THRB: variants seen among roughly 807,000 people sequenced by gnomAD.
The protein encoded by THRB is nuclear receptor subfamily 1 group A member 2.
In THRB, 12 loss-of-function variants were observed where a neutral mutation model predicts 47.8. That is an observed-to-expected ratio of 0.25 (90% CI 0.16 to 0.41). THRB has a LOEUF of 0.41. Ranked by LOEUF, THRB falls within the 10% of genes least tolerant of loss-of-function variation. THRB has a pLI of 1.00. For missense variants in THRB, 348 were observed against 589.2 expected, an observed-to-expected ratio of 0.59 and a Z score of 4.24; for synonymous variants, 218 against 212.2, an observed-to-expected ratio of 1.03 and a Z score of -0.24.
chr3:24,494,848 T>C lies in THRB; in HGVS notation c.-457A>G, dbSNP rs1180298644. ...CGTCACGGCCGCCCGCCCGAGGATG[T>C]GCGCCTTCCTTGGCCAAGCCCCGCA... On this transcript the variant is annotated 5_prime_UTR_variant, in exon 1 of 11. Coordinates refer to ENST00000646209, the MANE Select transcript of THRB (RefSeq NM_001354712.2). 3 of 152,284 alleles carry C rather than the reference T, an allele frequency of 2.0e-5. No individual in the cohort carries two copies. In the East Asian group the frequency reaches 5.8e-4, roughly 30 times the overall value. 9.4% of individuals were successfully genotyped at this position (152,284 alleles called of 1,614,324 possible). A position where few individuals can be genotyped will look rare whatever the true frequency, so the allele number is the denominator to read the frequency against.
At position 24,311,289 on chromosome 3, in the gene THRB, A is replaced by C. The variant is rs1273971841; in HGVS notation, c.-188-13918T>G. Among the ~76,000 whole-genome samples, 4 of 152,192 alleles carry C rather than the reference A, an allele frequency of 2.6e-5. No homozygotes were observed. The East Asian group carries it at 7.7e-4, about 29-fold the overall frequency. Reference sequence around the variant, plus strand: ...ATGGAGTTGGAAAGGCTTTGCAGTTAACTAGAAGATGCAATATTTCTTTTA... The same window carrying C: ...ATGGAGTTGGAAAGGCTTTGCAGTTCACTAGAAGATGCAATATTTCTTTTA... On this transcript the variant is annotated intron_variant, in intron 2 of 10. Coordinates refer to ENST00000646209, the MANE Select transcript of THRB (RefSeq NM_001354712.2).
At chr3:24,293,241 A>T (rs74858576) in intron 3 of THRB, among the ~76,000 whole-genome samples, 3,175 of 152,254 alleles carry the variant, frequency 0.021, 113 homozygotes, top group African/African-American at 0.073. Context: ...TCATTAAGCT[A>T]TTGAGCTTTC....
chr3:24,477,789 G>A (rs1014060533), intron 1 of THRB, among the ~76,000 whole-genome samples: 25 of 151,680 alleles, frequency 1.6e-4, no homozygotes, highest in African/African-American at 4.6e-4. Context: ...CTTCTTCTCT[G>A]TGATCTTTAT....
At chr3:24,357,581 T>C (rs1157875217) in intron 1 of THRB, among the ~76,000 whole-genome samples, 1 of 152,050 alleles carries the variant, frequency 6.6e-6, no homozygotes, top group Non-Finnish European at 1.5e-5. Context: ...ATGTATTCTT[T>C]TTTTCATAGA....
At chr3:24,175,118 A>G (rs1022542504) in intron 5 of THRB, among the ~76,000 whole-genome samples, 2 of 152,172 alleles carry the variant, frequency 1.3e-5, no homozygotes, top group Non-Finnish European at 2.9e-5. Context: ...TTACTAAACA[A>G]TCTTTGCTGG....
At chr3:24,242,238 T>A (rs1307871984) in intron 3 of THRB, among the ~76,000 whole-genome samples, 1 of 152,210 alleles carries the variant, frequency 6.6e-6, no homozygotes, top group Admixed American at 6.5e-5. Flanking sequence ...CAAGATGGCA[T>A]GTTTTAGCCA....
chr3:24,223,530 G>A (rs1403245219), intron 4 of THRB, among the ~76,000 whole-genome samples: 1 of 152,236 alleles, frequency 6.6e-6, no homozygotes, highest in African/African-American at 2.4e-5. Flanking sequence ...TTTGTAAATG[G>A]TTTGAAATAA....
intron 3 of THRB, among the ~76,000 whole-genome samples, chr3:24,238,971 T>C (rs1340172100): frequency 6.6e-6 from 1 of 151,476 alleles, no homozygotes; most frequent in African/African-American, 2.4e-5. Flanking sequence ...AGACAGAGTC[T>C]TGCTCTGTCA....
Position 24,428,731 on chromosome 3 carries a change from C to T in THRB, c.-261+65921G>A, listed in dbSNP as rs549282718. The stretch of plus-strand genomic sequence containing the variant: ...GACCCACAGCTTGAGCCAGATGGTG[C>T]AATGTTAGCATTAGACAAAGAGGAA... On this transcript the variant is annotated intron_variant, in intron 1 of 10. Coordinates refer to ENST00000646209, the MANE Select transcript of THRB (RefSeq NM_001354712.2). 5.1e-4 allele frequency among the ~76,000 whole-genome samples: 77 copies of T among 151,980 alleles called. 1 individual carries two copies. The highest frequency in any genetic ancestry group is 8.8e-5 in the Non-Finnish European group (6 of 67,936).
intron 3 of THRB, among the ~76,000 whole-genome samples, chr3:24,292,564 C>G (rs531537089): frequency 3.7e-4 from 56 of 152,276 alleles, no homozygotes; most frequent in Non-Finnish European, 6.5e-4. Flanking sequence ...TCAAGCCCTT[C>G]TCCCTGGCTC....
At chr3:24,491,015 A>G (rs766651250) in intron 1 of THRB, among the ~76,000 whole-genome samples, 2 of 152,200 alleles carry the variant, frequency 1.3e-5, no homozygotes, top group Admixed American at 6.5e-5. Context: ...ATATAATTTG[A>G]TATTTCATAC....
Position 24,204,692 on chromosome 3 carries a change from A to G in THRB, c.23-14358T>C, listed in dbSNP as rs140554746. On this transcript the variant is annotated intron_variant, in intron 4 of 10. Transcript: ENST00000646209. Reference sequence around the variant, plus strand: ...AGTTGAGAGAAGAAGGCTTCAGACAATCAAACTTCTCTGAGCTAAAGGAGG... The same window carrying G: ...AGTTGAGAGAAGAAGGCTTCAGACAGTCAAACTTCTCTGAGCTAAAGGAGG... Among the ~76,000 whole-genome samples the G allele has an allele frequency of 1.4e-4, 22 of 152,342 alleles. No homozygotes were observed. In the East Asian group the frequency reaches 3.7e-3, roughly 25 times the overall value.
At chr3:24,389,403 T>C (rs888205676) in intron 1 of THRB, among the ~76,000 whole-genome samples, 9 of 152,204 alleles carry the variant, frequency 5.9e-5, no homozygotes, top group African/African-American at 2.2e-4. Flanking sequence ...GTAAAAATTA[T>C]AAACTATTGT....
In THRB at chr3:24,343,501, A is replaced by T. The variant is rs570327553; in HGVS notation, c.-260-6130T>A. 2.4e-4 allele frequency among the ~76,000 whole-genome samples: 36 copies of T among 152,346 alleles called. No individual in the cohort carries two copies. The South Asian group carries it at 7.2e-3, about 31-fold the overall frequency. ...GTACTGAAAGGCTTAACTATGGGCA[A>T]CATCCATCTGTTATTCTTTTTCTTC... On this transcript the variant is annotated intron_variant, in intron 1 of 10. Coordinates refer to ENST00000646209, the MANE Select transcript of THRB (RefSeq NM_001354712.2).
intron 2 of THRB, among the ~76,000 whole-genome samples, chr3:24,322,903 T>G (rs566507245): frequency 4.8e-4 from 73 of 152,284 alleles, no homozygotes; most frequent in African/African-American, 1.7e-3. Flanking sequence ...CCACCTTTTG[T>G]AACACAAACA....
intron 3 of THRB, among the ~76,000 whole-genome samples, chr3:24,270,432 CA>C (rs1352885975): frequency 6.6e-6 from 1 of 152,128 alleles, no homozygotes; most frequent in Non-Finnish European, 1.5e-5. Context: ...ATCAAAATAA[CA>C]AGAATGAAAA....
intron 3 of THRB, among the ~76,000 whole-genome samples, chr3:24,295,809 C>G (rs2056398740): frequency 6.6e-6 from 1 of 152,134 alleles, no homozygotes; most frequent in Non-Finnish European, 1.5e-5. Flanking sequence ...GTCAGGTTCC[C>G]TATCTGTAAA....
At chr3:24,449,802 GA>G (rs921653030) in intron 1 of THRB, among the ~76,000 whole-genome samples, 5 of 151,890 alleles carry the variant, frequency 3.3e-5, no homozygotes, top group African/African-American at 1.2e-4. Flanking sequence ...GTAATAATGG[GA>G]AAAAAAGAAG....
chr3:24,336,002 C>T lies in THRB; in HGVS notation c.-189+1298G>A, dbSNP rs573914797. 5.7e-4 allele frequency among the ~76,000 whole-genome samples: 87 copies of T among 152,254 alleles called. 1 individual carries two copies. The highest frequency in any genetic ancestry group is 5.7e-4 in the Non-Finnish European group (39 of 68,032). ...AACAGAACAGCTGTCCTTTTCCATGCTTTACAAATTGGGGGCCACTGGAAG... is the reference window on the plus strand; with the variant it reads ...AACAGAACAGCTGTCCTTTTCCATGTTTTACAAATTGGGGGCCACTGGAAG... On this transcript the variant is annotated intron_variant, in intron 2 of 10. Transcript: ENST00000646209.
Sources: gnomAD v4.1 joint callset for allele counts (sites outside exome capture counted in the v4.1 genomes callset) on GRCh38, gnomAD v4.1.1 for gene constraint, MANE v1.5 for transcripts, NCBI Gene and HGNC (gene_info 2026-07-23, HGNC 2026-07-21) for gene names.